Variants in SYN3 observed in about 807,000 individuals in gnomAD.
The protein encoded by SYN3 is synapsin-3.
Under a neutral mutation model 65.8 loss-of-function variants are expected in SYN3, and 35 were observed. The ratio of observed to expected loss-of-function variants is 0.53; its 90% confidence interval spans 0.41 to 0.70. SYN3 has a LOEUF of 0.70. Among genes scored for constraint, SYN3 ranks in the 30% least tolerant of loss-of-function variants. The pLI is 0.00. For synonymous variants in SYN3, 270 were observed against 292.9 expected (o/e 0.92, Z 0.80); for missense variants, 680 against 749.0 (o/e 0.91, Z 1.08).
At chr22:33,011,005 AT>A (rs749348139) in intron 1 of SYN3, among the ~76,000 whole-genome samples, 1 of 152,152 alleles carries the variant, frequency 6.6e-6, no homozygotes, top group Non-Finnish European at 1.5e-5. Flanking sequence ...GATACTTTCT[AT>A]TTAAATAATG....
chr22:32,521,659 G>T (rs1160071828), intron 12 of SYN3, among the ~76,000 whole-genome samples: 1 of 151,880 alleles, frequency 6.6e-6, no homozygotes, highest in African/African-American at 2.4e-5. Context: ...TATTGGCCAG[G>T]CTGGTCTCGA....
intron 7 of SYN3, among the ~76,000 whole-genome samples, chr22:32,590,906 A>G (rs1466596734): frequency 6.6e-6 from 1 of 152,210 alleles, no homozygotes; most frequent in Non-Finnish European, 1.5e-5. Flanking sequence ...ATTTAATCAT[A>G]TCTCCCCTAC....
In SYN3 at chr22:32,762,863, A is replaced by G. The variant is rs1210973891; in HGVS notation, c.711+102052T>C. ...GTAATCATCTCAAAGGGCTGTTGAG[A>G]GAATGCACAGGGAAGAGCTTGGTAA... On this transcript the variant is annotated intron_variant, in intron 6 of 13. Transcript: ENST00000358763. Among the ~76,000 whole-genome samples, 3 of 120,380 alleles carry G rather than the reference A, an allele frequency of 2.5e-5. No homozygotes were observed. In the East Asian group the frequency reaches 8.2e-4, roughly 33 times the overall value. The allele number at this position is 120,380 out of a possible 152,430, so 79.0% of individuals were successfully genotyped here. A position where few individuals can be genotyped will look rare whatever the true frequency, so the allele number is the denominator to read the frequency against.
At chr22:32,983,658 T>C (rs752842601) in intron 2 of SYN3, among the ~76,000 whole-genome samples, 7 of 152,110 alleles carry the variant, frequency 4.6e-5, no homozygotes, top group Non-Finnish European at 7.4e-5. Flanking sequence ...TAAATACCCA[T>C]GTGGACAGCC....
At chr22:32,633,553 G>A (rs1465406214) in intron 6 of SYN3, among the ~76,000 whole-genome samples, 1 of 152,174 alleles carries the variant, frequency 6.6e-6, no homozygotes, top group Non-Finnish European at 1.5e-5. Context: ...AAGGCCTTTG[G>A]GCCTCAGGTG....
chr22:32,753,491 C>T (rs1304401878), intron 6 of SYN3, among the ~76,000 whole-genome samples: 5 of 152,212 alleles, frequency 3.3e-5, no homozygotes, highest in Non-Finnish European at 5.9e-5. Flanking sequence ...CAACAGACTC[C>T]CCAGCAGGGG....
chr22:32,681,815 G>T (rs957247747), intron 6 of SYN3, among the ~76,000 whole-genome samples: 72 of 152,258 alleles, frequency 4.7e-4, no homozygotes, highest in Admixed American at 2.7e-3. Flanking sequence ...TACTAAAAAC[G>T]ATCAATAGAT....
At chr22:32,535,216 A>C (rs946600756) in intron 9 of SYN3, among the ~76,000 whole-genome samples, 1 of 152,162 alleles carries the variant, frequency 6.6e-6, no homozygotes, top group Non-Finnish European at 1.5e-5. Flanking sequence ...AAGGTGCCCC[A>C]GCCCATCCAT....
At chr22:32,782,916 A>G (rs889630168) in intron 6 of SYN3, among the ~76,000 whole-genome samples, 4 of 151,188 alleles carry the variant, frequency 2.6e-5, no homozygotes, top group Non-Finnish European at 4.5e-5. Context: ...TCTATTGAGA[A>G]GGAGCAATTC....
chr22:32,752,082 G>A (rs1346661975), intron 6 of SYN3, among the ~76,000 whole-genome samples: 4 of 152,182 alleles, frequency 2.6e-5, no homozygotes, highest in Non-Finnish European at 4.4e-5. Flanking sequence ...CTAGAACAGT[G>A]CCTGAAATAT....
At chr22:32,546,931 T>C in intron 7 of SYN3, among the ~76,000 whole-genome samples, 1 of 66,388 alleles carries the variant, frequency 1.5e-5, no homozygotes, top group South Asian at 6.1e-4. Context: ...CTCCCTCCCT[T>C]TTCTCCCCTT....
At chr22:32,693,791 C>T (rs907819616) in intron 6 of SYN3, among the ~76,000 whole-genome samples, 2 of 151,852 alleles carry the variant, frequency 1.3e-5, no homozygotes, top group African/African-American at 4.8e-5. Context: ...GGCATCTCAC[C>T]GTGATGGCCA....
chr22:32,523,574 T>C (rs1158632171), intron 12 of SYN3, among the ~76,000 whole-genome samples: 1 of 152,180 alleles, frequency 6.6e-6, no homozygotes, highest in Non-Finnish European at 1.5e-5. Context: ...ATGTGTGTGT[T>C]CTGGCTGCCC....
intron 6 of SYN3, among the ~76,000 whole-genome samples, chr22:32,693,195 A>C (rs1390253086): frequency 6.6e-6 from 1 of 152,240 alleles, no homozygotes; most frequent in East Asian, 1.9e-4. Context: ...AACGATTATA[A>C]TAATATGTCA....
intron 1 of SYN3, among the ~76,000 whole-genome samples, chr22:33,025,092 C>T (rs1191078665): frequency 6.6e-6 from 1 of 152,120 alleles, no homozygotes; most frequent in Non-Finnish European, 1.5e-5. Context: ...GTAATCCCAA[C>T]ACTTTGGGAG....
chr22:32,765,714 G>A (rs769509404), intron 6 of SYN3, among the ~76,000 whole-genome samples: 4 of 152,166 alleles, frequency 2.6e-5, no homozygotes, highest in Non-Finnish European at 5.9e-5. Flanking sequence ...GAGAAGGGGA[G>A]GAGGAAGGCT....
chr22:32,918,825 C>G (rs1392049154), intron 4 of SYN3, among the ~76,000 whole-genome samples: 1 of 152,084 alleles, frequency 6.6e-6, no homozygotes, highest in African/African-American at 2.4e-5. Context: ...GGACTCTGTC[C>G]CCACTTCAGG....
At chr22:32,887,670 A>G (rs1355883853) in intron 4 of SYN3, among the ~76,000 whole-genome samples, 1 of 152,244 alleles carries the variant, frequency 6.6e-6, no homozygotes, top group Non-Finnish European at 1.5e-5. Context: ...CAACTAATAT[A>G]CATCTCTTAG....
chr22:32,966,430 C>T (rs959076192), intron 3 of SYN3, among the ~76,000 whole-genome samples: 62 of 152,000 alleles, frequency 4.1e-4, no homozygotes, highest in African/African-American at 1.4e-3. Context: ...AGGTAGAGCA[C>T]GGGAGGAGAT....
Sources: allele counts gnomAD v4.1 joint callset (sites outside exome capture counted in the v4.1 genomes callset), GRCh38; gene constraint gnomAD v4.1.1; transcripts MANE v1.5; gene names NCBI Gene and HGNC (gene_info 2026-07-23, HGNC 2026-07-21).